The following FBXL14 variants were observed in gnomAD, a reference collection of about 807,000 sequenced individuals.
The protein encoded by FBXL14 is F-box and leucine rich repeat protein 14, also known as F-box/LRR-repeat protein 14.
In FBXL14, 11 loss-of-function variants were observed where a neutral mutation model predicts 24.5. That is an observed-to-expected ratio of 0.45 (90% CI 0.28 to 0.74). FBXL14 has a LOEUF of 0.74. FBXL14 is among the 30% of genes least tolerant of loss of function. The pLI is 0.12. For missense variants in FBXL14, 384 were observed against 545.6 expected (o/e 0.70, Z 2.95); for synonymous variants, 294 against 240.4 (o/e 1.22, Z -2.06).
Position 1,594,175 on chromosome 12 carries a change from G to GCCA in FBXL14, c.-110_-109insTGG. ...CTCCCCAGCCGCCGCCGCCGCCGCC[G>GCCA]CCGCCGCCTCGGGCCCAACGGCCGG... is the stretch of plus-strand genomic sequence containing the variant. On this transcript the variant is annotated 5_prime_UTR_variant, in exon 1 of 2. Coordinates refer to ENST00000339235, the MANE Select transcript of FBXL14 (RefSeq NM_152441.3). 2 of 925,134 alleles carry GCCA rather than the reference G, an allele frequency of 2.2e-6. No homozygotes were observed. Among genetic ancestry groups the GCCA allele is most frequent in the Non-Finnish European group, 2.8e-6 (2 of 725,852 alleles). The allele number at this position is 925,134 out of a possible 1,614,324, so 57.3% of individuals were successfully genotyped here.
intron 1 of FBXL14, among the ~76,000 whole-genome samples, chr12:1,574,425 T>G (rs865795607): frequency 5.0e-5 from 1 of 20,176 alleles, no homozygotes; most frequent in African/African-American, 2.5e-4. Flanking sequence ...GTGGTGTGGG[T>G]GGAGCCTGGG....
At chr12:1,577,880 G>A (rs190150320) in intron 1 of FBXL14, among the ~76,000 whole-genome samples, 6 of 152,296 alleles carry the variant, frequency 3.9e-5, no homozygotes, top group South Asian at 2.1e-4. Flanking sequence ...GGGTAGACAC[G>A]CTCTTGGATA....
rs35524129 is a variant in FBXL14, at chr12:1,593,395, G to A, written c.672C>T (p.Ser224=). ...KLTDLSLKHI[S]RGLTGLRLLN... ...GGAGCCTCAGGCCCGTCAGCCCTCG[G>A]GAGATGTGCTTTAGAGAAAGATCTG... The change falls in exon 1 of 2, where the codon TCC becomes TCT. Residue 224 remains serine (S), a synonymous_variant. Transcript: ENST00000339235. This position sits in a 1 kb window ranked among gnomAD's most constrained non-coding sequence, Gnocchi z 7.4. The A allele has an allele frequency of 0.021, 33,942 of 1,614,010 alleles. 618 individuals are homozygous for A. The highest frequency in any genetic ancestry group is 0.08 in the African/African-American group (6,022 of 75,036).
In FBXL14 at chr12:1,569,689, C is replaced by T. The variant is rs546194840; in HGVS notation, c.1195-2879G>A. Among the ~76,000 whole-genome samples the T allele has an allele frequency of 9.2e-5, 14 of 152,384 alleles. No homozygotes were observed. In the East Asian group the frequency reaches 1.3e-3, roughly 15 times the overall value. ...TGCTGGGATTACAGGCGTGAGCCACCGCTCCCGGCACCACTTGGTTCTTTA... is the reference window on the plus strand; with the variant it reads ...TGCTGGGATTACAGGCGTGAGCCACTGCTCCCGGCACCACTTGGTTCTTTA... On this transcript the variant is annotated intron_variant, in intron 1 of 1. Coordinates refer to ENST00000339235, the MANE Select transcript of FBXL14 (RefSeq NM_152441.3). The surrounding 1 kb of genome is among the most constrained non-coding windows in gnomAD (Gnocchi z 4.2).
rs559928750 is a variant in FBXL14 at position 1,580,326 on chromosome 12, T to C, written c.1194+12547A>G. Among the ~76,000 whole-genome samples the C allele has an allele frequency of 2.0e-5, 3 of 152,342 alleles. No individual in the cohort carries two copies. In the South Asian group the frequency reaches 6.2e-4, roughly 32 times the overall value. On this transcript the variant is annotated intron_variant, in intron 1 of 1. Transcript: ENST00000339235. ...TCTCCACACTCAGGATCCCGTTCAA[T>C]AGCGGTTTTATAAATAAGGGCTTAA...
intron 1 of FBXL14, among the ~76,000 whole-genome samples, chr12:1,589,274 C>T (rs1486924306): frequency 6.7e-6 from 1 of 150,238 alleles, no homozygotes; most frequent in Non-Finnish European, 1.5e-5. Flanking sequence ...TGGTGTGCGC[C>T]TGTAGTCTCA....
At chr12:1,566,899 C>A in intron 1 of FBXL14, 89 bp from the exon 2 acceptor site, 1 of 721,814 alleles carries the variant, frequency 1.4e-6, no homozygotes, top group Non-Finnish European at 2.6e-6. Flanking sequence ...AACCCCACCG[C>A]GGCTTTATCA....
chr12:1,566,924 T>G, intron 1 of FBXL14, 114 bp from the exon 2 acceptor site: 3 of 641,984 alleles, frequency 4.7e-6, no homozygotes, highest in Non-Finnish European at 8.6e-6. Context: ...CTAACTGACC[T>G]GGGGGAAGGG....
intron 1 of FBXL14, among the ~76,000 whole-genome samples, 185 bp from the exon 2 acceptor site, chr12:1,566,995 G>T (rs1330787142): frequency 6.6e-6 from 1 of 152,146 alleles, no homozygotes; most frequent in African/African-American, 2.4e-5. Context: ...GGGCGGGAGG[G>T]AGGACGGAGA....
intron 1 of FBXL14, among the ~76,000 whole-genome samples, chr12:1,585,756 T>C (rs894105083): frequency 5.3e-5 from 8 of 152,238 alleles, no homozygotes; most frequent in African/African-American, 1.9e-4. Flanking sequence ...CCTTTTACTC[T>C]TTCTGGACAA....
chr12:1,573,477 C>T (rs1335441976), intron 1 of FBXL14, among the ~76,000 whole-genome samples: 10 of 152,150 alleles, frequency 6.6e-5, no homozygotes, highest in Non-Finnish European at 1.5e-4. Context: ...ACCCCAGCCA[C>T]GCACGACTAG....
At chr12:1,591,803 C>CAA (rs2094490799) in intron 1 of FBXL14, among the ~76,000 whole-genome samples, 1 of 152,132 alleles carries the variant, frequency 6.6e-6, no homozygotes, top group African/African-American at 2.4e-5. Context: ...ACTGTGTGAC[C>CAA]TTTTTGGGGG....
At chr12:1,589,824 G>A (rs1017328182) in intron 1 of FBXL14, among the ~76,000 whole-genome samples, 1 of 152,182 alleles carries the variant, frequency 6.6e-6, no homozygotes, top group African/African-American at 2.4e-5. Context: ...ACCCATGGTC[G>A]TAACTTTCAA....
At chr12:1,580,054 A>G (rs2094463229) in intron 1 of FBXL14, among the ~76,000 whole-genome samples, 1 of 152,222 alleles carries the variant, frequency 6.6e-6, no homozygotes, top group Admixed American at 6.5e-5. Flanking sequence ...AACATTTTGT[A>G]TTTTTATCCA....
chr12:1,577,337 G>T (rs543694757), intron 1 of FBXL14, among the ~76,000 whole-genome samples: 3 of 152,086 alleles, frequency 2.0e-5, no homozygotes, highest in Non-Finnish European at 4.4e-5. Context: ...CCTCCTCGGG[G>T]GAGGGCAGTG....
chr12:1,585,880 G>C (rs182026517), intron 1 of FBXL14, among the ~76,000 whole-genome samples: 2 of 152,190 alleles, frequency 1.3e-5, no homozygotes, highest in African/African-American at 4.8e-5. Flanking sequence ...TTGTGTGGCA[G>C]GTATTTATAG....
chr12:1,583,478 C>G (rs922975669), intron 1 of FBXL14, among the ~76,000 whole-genome samples: 5 of 152,142 alleles, frequency 3.3e-5, no homozygotes, highest in Non-Finnish European at 1.5e-5. Context: ...AGTAACCTCA[C>G]TGATATTTTA....
intron 1 of FBXL14, among the ~76,000 whole-genome samples, chr12:1,580,908 G>A (rs1342795153): frequency 6.6e-6 from 1 of 152,116 alleles, no homozygotes; most frequent in African/African-American, 2.4e-5. Flanking sequence ...TGCAGAGGTA[G>A]GAATGAATAC....
upstream of FBXL14, among the ~76,000 whole-genome samples, chr12:1,594,782 G>A (rs2094498393): frequency 6.7e-6 from 1 of 149,830 alleles, no homozygotes; most frequent in Non-Finnish European, 1.5e-5. Flanking sequence ...CGGGCCGTGC[G>A]TTTGGTAGCG....
Sources: allele counts gnomAD v4.1 joint callset (sites outside exome capture counted in the v4.1 genomes callset), GRCh38; gene constraint gnomAD v4.1.1; non-coding constraint Gnocchi (gnomAD v3.1); transcripts MANE v1.5; gene names NCBI Gene and HGNC (gene_info 2026-07-23, HGNC 2026-07-21).